B3GALNT2: variants seen among roughly 807,000 people sequenced by gnomAD.
B3GALNT2 encodes beta-1,3-N-acetylgalactosaminyltransferase 2.
A neutral mutation model predicts 61.1 loss-of-function variants in B3GALNT2; 53 were observed. The observed-to-expected ratio is 0.87, with a 90% CI of 0.70 to 1.09. B3GALNT2 has a LOEUF of 1.09. B3GALNT2 is among the 50% of genes least tolerant of loss of function. The pLI is 0.00. For missense variants in B3GALNT2, 544 were observed against 623.0 expected (o/e 0.87, Z 1.35); for synonymous variants, 223 against 237.4 (o/e 0.94, Z 0.56).
intron 5 of B3GALNT2, among the ~76,000 whole-genome samples, chr1:235,474,979 ATATATATATTTTTTT>A (rs1684193417): frequency 3.0e-5 from 1 of 33,710 alleles, no homozygotes; most frequent in African/African-American, 1.9e-4. Flanking sequence ...ATATATATAT[ATATATATATTTTTTT>A]TTTTTTTTTT....
At chr1:235,461,518 T>TG (rs1366729372) in intron 7 of B3GALNT2, among the ~76,000 whole-genome samples, 31 of 132,830 alleles carry the variant, frequency 2.3e-4, no homozygotes, top group Non-Finnish European at 4.1e-4. Context: ...TTTTTTTTTT[T>TG]TTTTTTTTTT....
intron 11 of B3GALNT2, chr1:235,451,933 A>G (rs1682930235): frequency 6.6e-6 from 1 of 151,922 alleles, no homozygotes; most frequent in South Asian, 2.1e-4. Context: ...GATGTCTTAT[A>G]TTTCATGCAG....
At chr1:235,457,555 A>G (rs1362385304) in intron 8 of B3GALNT2, among the ~76,000 whole-genome samples, 1 of 152,140 alleles carries the variant, frequency 6.6e-6, no homozygotes, top group African/African-American at 2.4e-5. Context: ...TCTTGTTATA[A>G]AAGTAGGAAT....
rs1684688668 is a variant in B3GALNT2 at position 235,484,205 on chromosome 1, G to C, written c.555+117C>G. 5 of 1,373,442 alleles carry C rather than the reference G, an allele frequency of 3.6e-6. No individual in the cohort carries two copies. In the South Asian group the frequency reaches 7.3e-5, roughly 20 times the overall value. The allele number at this position is 1,373,442 out of a possible 1,614,324, so 85.1% of individuals were successfully genotyped here. A position where few individuals can be genotyped will look rare whatever the true frequency, so the allele number is the denominator to read the frequency against. On this transcript the variant is annotated intron_variant, in intron 4 of 11. Coordinates refer to ENST00000366600, the MANE Select transcript of B3GALNT2 (RefSeq NM_152490.5). ...AGTCAATAGGGGAAGAAAGGTGAAA[G>C]TCTCTCAACCAGAGAGAATTATATA...
intron 7 of B3GALNT2, among the ~76,000 whole-genome samples, chr1:235,459,258 G>T (rs180871473): frequency 1.3e-4 from 20 of 152,152 alleles, no homozygotes; most frequent in African/African-American, 4.6e-4. Context: ...ATAAAGTTGA[G>T]TGAAAATTGC....
At chr1:235,488,616 G>A (rs561167199) in intron 3 of B3GALNT2, among the ~76,000 whole-genome samples, 86 of 99,874 alleles carry the variant, frequency 8.6e-4, no homozygotes, top group African/African-American at 3.6e-3. Context: ...CCTAGGAGGC[G>A]GAGGTTGCAG....
At chr1:235,501,175 G>A (rs1330296125) in intron 1 of B3GALNT2, among the ~76,000 whole-genome samples, 1 of 152,110 alleles carries the variant, frequency 6.6e-6, no homozygotes, top group Non-Finnish European at 1.5e-5. Flanking sequence ...TACCCAAAAC[G>A]AGCATTTTGT....
At chr1:235,460,191 G>GT (rs1250994750) in intron 7 of B3GALNT2, among the ~76,000 whole-genome samples, 1 of 151,974 alleles carries the variant, frequency 6.6e-6, no homozygotes, top group Non-Finnish European at 1.5e-5. Context: ...TCAGCTCACT[G>GT]TAATCTCCAC....
At chr1:235,452,966 C>T in intron 11 of B3GALNT2, 124 bp downstream of exon 11, 3 of 869,210 alleles carry the variant, frequency 3.5e-6, no homozygotes, top group South Asian at 3.7e-5. Context: ...TTCTAAAATC[C>T]AAAAAAATCT....
At chr1:235,496,397 T>C in intron 1 of B3GALNT2, 1 of 789,210 alleles carries the variant, frequency 1.3e-6, no homozygotes, top group South Asian at 3.5e-5. Flanking sequence ...AACGAATTCT[T>C]TTATAAAGAC....
rs1370105700 is a variant in B3GALNT2 at position 235,504,367 on chromosome 1, CCCT to C, written c.-118_-116del. On this transcript the variant is annotated 5_prime_UTR_variant, in exon 1 of 12. Coordinates refer to ENST00000366600, the MANE Select transcript of B3GALNT2 (RefSeq NM_152490.5). ...CGAGCGACCACTCCGAGCACGCCCG[CCCT>C]CGCGCTCGGCGACGTCTGGGGGGCT... 319 of 1,229,322 alleles carry C rather than the reference CCCT, an allele frequency of 2.6e-4. 1 individual carries two copies. Among genetic ancestry groups the C allele is most frequent in the East Asian group, 1.4e-3 (41 of 29,672 alleles). 76.2% of individuals were successfully genotyped at this position (1,229,322 alleles called of 1,614,324 possible).
chr1:235,483,312 G>C (rs1010647809), intron 4 of B3GALNT2, among the ~76,000 whole-genome samples: 2 of 152,164 alleles, frequency 1.3e-5, no homozygotes, highest in Admixed American at 6.5e-5. Flanking sequence ...ATCCCAGGAG[G>C]AATAGAGAGA....
intron 5 of B3GALNT2, among the ~76,000 whole-genome samples, chr1:235,476,970 A>C (rs988852142): frequency 1.3e-5 from 2 of 151,708 alleles, no homozygotes; most frequent in African/African-American, 4.8e-5. Context: ...GGCTGCGGTG[A>C]GCTATGATCA....
chr1:235,497,798 C>T (rs1685395623), intron 1 of B3GALNT2, among the ~76,000 whole-genome samples: 1 of 152,126 alleles, frequency 6.6e-6, no homozygotes, highest in South Asian at 2.1e-4. Flanking sequence ...TACCTGACTT[C>T]TCCATATAAT....
downstream of B3GALNT2, among the ~76,000 whole-genome samples, chr1:235,445,202 TCC>T (rs750486938): frequency 6.6e-6 from 1 of 152,248 alleles, no homozygotes; most frequent in African/African-American, 2.4e-5. Context: ...TTCCTTTTTT[TCC>T]CCTTTTTTAT....
chr1:235,504,294 G>A lies in B3GALNT2; in HGVS notation c.-42C>T, dbSNP rs1332390869. ...GAGCCGGGCTCTCCCGCGTCCCGGC[G>A]GAGAGGGAGGGGACCTGCAAGTGCG... On this transcript the variant is annotated 5_prime_UTR_variant, in exon 1 of 12. Coordinates refer to ENST00000366600, the MANE Select transcript of B3GALNT2 (RefSeq NM_152490.5). The A allele has an allele frequency of 1.4e-6, 2 of 1,476,886 alleles. No homozygotes were observed. The highest frequency in any genetic ancestry group is 1.8e-6 in the Non-Finnish European group (2 of 1,118,758). 91.5% of individuals were successfully genotyped at this position (1,476,886 alleles called of 1,614,324 possible).
In B3GALNT2 at chr1:235,458,721, G is replaced by A; in HGVS notation, c.907C>T (p.Leu303Phe). Residue 303 changes from leucine to phenylalanine, a missense_variant, in exon 8 of 12, where the codon CTC (leucine) becomes TTC (phenylalanine). By Grantham distance (22) the Leu-to-Phe change is conservative. Transcript: ENST00000366600. The part of the protein sequence containing the change: ...PQRLIDHIRN[L>F]HEEDALLKEE... ...TTCAGTAAGGCATCTTCCTCATGGA[G>A]ATTCCTTATATGATCAATAAGTCTT... is the stretch of plus-strand genomic sequence containing the variant. 1 of 1,613,266 alleles carries A rather than the reference G, an allele frequency of 6.2e-7. No homozygotes were observed. Among genetic ancestry groups the A allele is most frequent in the South Asian group, 1.1e-5 (1 of 90,784 alleles).
intron 7 of B3GALNT2, among the ~76,000 whole-genome samples, chr1:235,462,844 T>G (rs907723522): frequency 1.3e-5 from 2 of 152,206 alleles, no homozygotes; most frequent in Non-Finnish European, 2.9e-5. Flanking sequence ...TGGAGATTCC[T>G]TGAAGAACTA....
Position 235,455,582 on chromosome 1 carries a change from A to G in B3GALNT2, c.1128T>C (p.Asp376=), listed in dbSNP as rs958373493. The G allele has an allele frequency of 4.3e-6, 7 of 1,613,008 alleles. No individual in the cohort carries two copies. The highest frequency in any genetic ancestry group is 5.9e-6 in the Non-Finnish European group (7 of 1,178,962). ...VFNRIVQKNL[D]GPNFWWGNFR... is the part of the protein sequence containing the mutation. The stretch of plus-strand genomic sequence containing the variant: ...ACTTTCCCCACCAAAAATTAGGCCC[A>G]TCCAGATTCTTTTGGACAATCCTAT... The change falls in exon 9 of 12, where the codon GAT becomes GAC. Residue 376 remains aspartate, a synonymous_variant. Coordinates refer to ENST00000366600, the MANE Select transcript of B3GALNT2 (RefSeq NM_152490.5).
Sources: allele counts gnomAD v4.1 joint callset (sites outside exome capture counted in the v4.1 genomes callset), GRCh38; gene constraint gnomAD v4.1.1; transcripts MANE v1.5; gene names NCBI Gene and HGNC (gene_info 2026-07-23, HGNC 2026-07-21).